Variants in B3GALNT2 observed in about 807,000 individuals in gnomAD.
The protein encoded by B3GALNT2 is UDP-GalNAc:beta-1,3-N-acetylgalactosaminyltransferase 2.
A neutral mutation model predicts 61.1 loss-of-function variants in B3GALNT2; 53 were observed. That is an observed-to-expected ratio of 0.87 (90% CI 0.70 to 1.09). The LOEUF is 1.09. B3GALNT2 is among the 50% of genes least tolerant of loss of function. The pLI, the probability that B3GALNT2 is intolerant of heterozygous loss-of-function variation, is 0.00. For missense variants in B3GALNT2, 544 were observed against 623.0 expected (o/e 0.87, Z 1.35); for synonymous variants, 223 against 237.4 (o/e 0.94, Z 0.56).
At chr1:235,445,566 G>C (rs1682198984), downstream of B3GALNT2, among the ~76,000 whole-genome samples, 1 of 152,188 alleles carries the variant, frequency 6.6e-6, no homozygotes, top group Non-Finnish European at 1.5e-5. Flanking sequence ...AGCCTGGGAA[G>C]TTGAGGCTGC....
chr1:235,484,315 T>G lies in B3GALNT2; in HGVS notation c.555+7A>C, dbSNP rs291387. ...AAGAGAAAAAACCTGTACAGAGCAG[T>G]GCATACCTCTTGTTCTGCCTGATAA... On this transcript the variant is annotated splice_region_variant and intron_variant, in intron 4 of 11. Transcript: ENST00000366600. 755,975 of 1,611,978 alleles carry G rather than the reference T, an allele frequency of 0.47. 184,223 individuals carry two copies. Among genetic ancestry groups the G allele is most frequent in the Non-Finnish European group, 0.51 (596,550 of 1,179,070 alleles).
intron 7 of B3GALNT2, among the ~76,000 whole-genome samples, chr1:235,461,474 GC>G (rs1459451453): frequency 6.9e-6 from 1 of 145,786 alleles, no homozygotes; most frequent in Non-Finnish European, 1.5e-5. Context: ...ACACAGACCA[GC>G]CTTTGAGAAA....
chr1:235,490,665 T>C (rs1478748984), intron 2 of B3GALNT2, among the ~76,000 whole-genome samples: 2 of 152,162 alleles, frequency 1.3e-5, no homozygotes, highest in African/African-American at 4.8e-5. Context: ...TGTCAACTTT[T>C]CAGAAATTTT....
chr1:235,447,893 TACTTGGGTAAAGTG>T lies in B3GALNT2; in HGVS notation c.*2299_*2312del, dbSNP rs551030877. The stretch of plus-strand genomic sequence containing the variant: ...AGACTCAGGCTTTCCCCTAATTACT[TACTTGGGTAAAGTG>T]ACTTGGGTAAAATGAAAGATACAGC... On this transcript the variant is annotated 3_prime_UTR_variant, in exon 12 of 12. Transcript: ENST00000366600. Among the ~76,000 whole-genome samples the T allele has an allele frequency of 2.6e-5, 4 of 152,116 alleles. No individual in the cohort carries two copies. Among genetic ancestry groups the T allele is most frequent in the African/African-American group, 7.2e-5 (3 of 41,426 alleles).
At chr1:235,493,595 T>C (rs954626229) in intron 2 of B3GALNT2, among the ~76,000 whole-genome samples, 1 of 151,968 alleles carries the variant, frequency 6.6e-6, no homozygotes, top group Admixed American at 6.6e-5. Context: ...CTGGCCAACA[T>C]GGTGAAACCC....
Position 235,494,827 on chromosome 1 carries a change from A to G in B3GALNT2, c.114T>C (p.Asp38=), listed in dbSNP as rs966851082. Residue 38 remains aspartate, a splice_region_variant and synonymous_variant, in exon 2 of 12, where the codon GAT becomes GAC. Transcript: ENST00000366600. ...TCCACTGAGGAAATAAGGCCAACTGATCTAGAAATAAGAACAATACATGAG... is the reference window on the plus strand; with the variant it reads ...TCCACTGAGGAAATAAGGCCAACTGGTCTAGAAATAAGAACAATACATGAG... ...PACASGAGPA[D]QLALFPQWKS... 4.4e-6 allele frequency: 7 copies of G among 1,601,826 alleles called. No homozygotes were observed. The African/African-American group carries it at 9.4e-5, about 21-fold the overall frequency.
chr1:235,453,487 CCT>C, intron 10 of B3GALNT2, among the ~76,000 whole-genome samples: 1 of 151,612 alleles, frequency 6.6e-6, no homozygotes, highest in African/African-American at 2.4e-5. Flanking sequence ...ACAGAGTGTC[CCT>C]CTGTCGCCCA....
At chr1:235,453,265 C>A in intron 10 of B3GALNT2, 119 bp from the exon 11 acceptor site, 1 of 1,023,982 alleles carries the variant, frequency 9.8e-7, no homozygotes, top group Admixed American at 2.3e-5. Context: ...TGTTATTATT[C>A]TAATATGAAA....
At chr1:235,440,505 G>C in the B3GALNT2 span, among the ~76,000 whole-genome samples, 1 of 151,930 alleles carries the variant, frequency 6.6e-6, no homozygotes, top group Non-Finnish European at 1.5e-5. Context: ...TGATTCTCCT[G>C]CTTCAGCCTC....
In B3GALNT2 at chr1:235,474,975, A is replaced by T. The variant is rs1402563633; in HGVS notation, c.652-4015T>A. Among the ~76,000 whole-genome samples, 282 of 28,120 alleles carry T rather than the reference A, an allele frequency of 0.01. 39 individuals are homozygous for T. In the East Asian group the frequency reaches 0.12, roughly 12 times the overall value. 18.4% of individuals were successfully genotyped at this position (28,120 alleles called of 152,430 possible). A position where few individuals can be genotyped will look rare whatever the true frequency, so the allele number is the denominator to read the frequency against. On this transcript the variant is annotated intron_variant, in intron 5 of 11. Coordinates refer to ENST00000366600, the MANE Select transcript of B3GALNT2 (RefSeq NM_152490.5). ...CATATATATATATATATATATATAT[A>T]TATATATATATATTTTTTTTTTTTT...
chr1:235,447,056 G>C (rs1052065525), downstream of B3GALNT2, among the ~76,000 whole-genome samples: 2 of 152,090 alleles, frequency 1.3e-5, no homozygotes, highest in African/African-American at 4.8e-5. Flanking sequence ...GTGTGCAGCA[G>C]GTAACCCCTT....
At chr1:235,442,327 C>T (rs905180874), downstream of B3GALNT2, among the ~76,000 whole-genome samples, 1 of 152,164 alleles carries the variant, frequency 6.6e-6, no homozygotes, top group African/African-American at 2.4e-5. Context: ...TGCGCCACCA[C>T]ACCCAGTTAA....
At chr1:235,469,328 C>A (rs1683874078) in intron 6 of B3GALNT2, among the ~76,000 whole-genome samples, 1 of 152,136 alleles carries the variant, frequency 6.6e-6, no homozygotes, top group Non-Finnish European at 1.5e-5. Context: ...GACAGGAGAT[C>A]GAGGAGAATA....
intron 5 of B3GALNT2, among the ~76,000 whole-genome samples, chr1:235,476,755 C>T (rs1684302836): frequency 6.6e-6 from 1 of 150,974 alleles, no homozygotes; most frequent in Non-Finnish European, 1.5e-5. Context: ...GAGGCTGGGG[C>T]AGGAGAATCA....
At chr1:235,472,584 G>A (rs1260098498) in intron 5 of B3GALNT2, among the ~76,000 whole-genome samples, 1 of 152,186 alleles carries the variant, frequency 6.6e-6, no homozygotes, top group Non-Finnish European at 1.5e-5. Context: ...CTTGAGAACA[G>A]GAAGGAGCTT....
chr1:235,453,460 CTTTTT>C (rs1175498989), intron 10 of B3GALNT2, among the ~76,000 whole-genome samples: 1 of 145,258 alleles, frequency 6.9e-6, no homozygotes. Context: ...AGGGACTATA[CTTTTT>C]TTTTTTTTGA....
At chr1:235,503,299 TAAAGAA>T (rs1685668347) in intron 1 of B3GALNT2, among the ~76,000 whole-genome samples, 1 of 152,244 alleles carries the variant, frequency 6.6e-6, no homozygotes, top group Admixed American at 6.5e-5. Flanking sequence ...GGCAAGCCCT[TAAAGAA>T]GAAGACAAGA....
chr1:235,490,650 C>T (rs1412212639), intron 2 of B3GALNT2, among the ~76,000 whole-genome samples: 2 of 152,170 alleles, frequency 1.3e-5, no homozygotes, highest in East Asian at 3.9e-4. Flanking sequence ...CTTCTGGGAG[C>T]CAACTGTCAA....
At chr1:235,483,869 C>T (rs1027647500) in intron 4 of B3GALNT2, among the ~76,000 whole-genome samples, 9 of 152,202 alleles carry the variant, frequency 5.9e-5, no homozygotes, top group Non-Finnish European at 1.0e-4. Flanking sequence ...AGAAACCTCA[C>T]TGGTTTTCTG....
Sources: gnomAD v4.1 joint callset for allele counts (sites outside exome capture counted in the v4.1 genomes callset) on GRCh38, gnomAD v4.1.1 for gene constraint, MANE v1.5 for transcripts, NCBI Gene and HGNC (gene_info 2026-07-23, HGNC 2026-07-21) for gene names.